CADPS2: variants seen among roughly 807,000 people sequenced by gnomAD.
CADPS2 encodes the protein calcium dependent secretion activator 2, also known as calcium-dependent secretion activator 2.
CADPS2 carries 93 observed loss-of-function variants against 172.5 expected under a neutral mutation model. The observed-to-expected ratio is 0.54, with a 90% CI of 0.46 to 0.64. The LOEUF is 0.64. Among genes scored for constraint, CADPS2 ranks in the 30% least tolerant of loss-of-function variants. The pLI is 0.00. For missense variants in CADPS2, 1,420 were observed against 1,565.9 expected (o/e 0.91, Z 1.57); for synonymous variants, 546 against 555.2 (o/e 0.98, Z 0.23).
chr7:122,782,998 A>C (rs2139440520), intron 1 of CADPS2, among the ~76,000 whole-genome samples: 1 of 152,126 alleles, frequency 6.6e-6, no homozygotes, highest in South Asian at 2.1e-4. Context: ...CTAATGACAA[A>C]ACAATAAACA....
intron 15 of CADPS2, among the ~76,000 whole-genome samples, chr7:122,449,194 G>C (rs1214496682): frequency 1.3e-5 from 2 of 152,106 alleles, no homozygotes; most frequent in Non-Finnish European, 2.9e-5. Context: ...TACTAATATA[G>C]ATATCTAAAA....
intron 24 of CADPS2, among the ~76,000 whole-genome samples, chr7:122,380,751 G>A (rs2042906116): frequency 6.6e-6 from 1 of 152,032 alleles, no homozygotes; most frequent in African/African-American, 2.4e-5. Flanking sequence ...ATGTGAATGT[G>A]GAATTTTCTG....
intron 7 of CADPS2, among the ~76,000 whole-genome samples, chr7:122,559,956 T>C (rs977920902): frequency 1.3e-5 from 2 of 151,356 alleles, no homozygotes; most frequent in African/African-American, 2.4e-5. Context: ...TTTTAGGTAG[T>C]AGGAAGGGGG....
intron 2 of CADPS2, among the ~76,000 whole-genome samples, chr7:122,665,107 T>C (rs922619529): frequency 6.6e-6 from 1 of 152,060 alleles, no homozygotes; most frequent in African/African-American, 2.4e-5. Flanking sequence ...GCCTCAACTT[T>C]TACCCTAAGA....
intron 2 of CADPS2, among the ~76,000 whole-genome samples, chr7:122,682,248 CTTG>C (rs1157632824): frequency 2.0e-5 from 3 of 152,156 alleles, no homozygotes; most frequent in Non-Finnish European, 2.9e-5. Context: ...GAAGAAAAAT[CTTG>C]TTGTTCATCA....
In CADPS2 at chr7:122,807,355, C is replaced by T. The variant is rs946935255; in HGVS notation, c.340-70287G>A. Among the ~76,000 whole-genome samples, 3 of 152,304 alleles carry T rather than the reference C, an allele frequency of 2.0e-5. No individual in the cohort carries two copies. The South Asian group carries it at 6.2e-4, about 32-fold the overall frequency. ...TCCACCAGGCTGGGCCCACCTGAAC[C>T]CATGAGAGGTGTTCCAGGCCTGCCA... On this transcript the variant is annotated intron_variant, in intron 1 of 29. Coordinates refer to ENST00000449022, the MANE Select transcript of CADPS2 (RefSeq NM_017954.11).
At chr7:122,877,325 G>A (rs1332958896) in intron 1 of CADPS2, among the ~76,000 whole-genome samples, 1 of 152,112 alleles carries the variant, frequency 6.6e-6, no homozygotes, top group Non-Finnish European at 1.5e-5. Flanking sequence ...CACTAGTAAA[G>A]CACCAAAAAC....
chr7:122,408,081 T>C (rs938730724), intron 19 of CADPS2, among the ~76,000 whole-genome samples: 2 of 152,074 alleles, frequency 1.3e-5, no homozygotes, highest in African/African-American at 4.8e-5. Flanking sequence ...TTTCTGTGAA[T>C]AGAAACATTA....
chr7:122,401,540 A>G (rs192680141), intron 20 of CADPS2, among the ~76,000 whole-genome samples: 1 of 152,354 alleles, frequency 6.6e-6, no homozygotes, highest in East Asian at 1.9e-4. Flanking sequence ...CTATGGAAAT[A>G]GTGTGCAAGG....
At chr7:122,550,716 T>G (rs1035198200) in intron 8 of CADPS2, among the ~76,000 whole-genome samples, 4 of 152,180 alleles carry the variant, frequency 2.6e-5, no homozygotes, top group African/African-American at 9.6e-5. Flanking sequence ...TAGGCTATGC[T>G]AAGGTATAGC....
chr7:122,730,032 G>A (rs1350786195), intron 2 of CADPS2, among the ~76,000 whole-genome samples: 3 of 151,278 alleles, frequency 2.0e-5, no homozygotes, highest in East Asian at 1.9e-4. Context: ...GAATATTGGA[G>A]GTAAGAAACT....
At chr7:122,660,492 C>G (rs1324028648) in intron 3 of CADPS2, among the ~76,000 whole-genome samples, 3 of 151,732 alleles carry the variant, frequency 2.0e-5, no homozygotes, top group African/African-American at 7.3e-5. Flanking sequence ...ACAAATGCAT[C>G]AAGTGGTAAA....
chr7:122,701,890 G>A (rs763225143), intron 2 of CADPS2: 4 of 1,613,460 alleles, frequency 2.5e-6, no homozygotes, highest in Non-Finnish European at 2.5e-6. Context: ...CTAAAAGCCA[G>A]GGGTCAATGC....
chr7:122,589,477 T>A (rs1177904088), intron 6 of CADPS2, among the ~76,000 whole-genome samples: 1 of 151,874 alleles, frequency 6.6e-6, no homozygotes, highest in African/African-American at 2.4e-5. Flanking sequence ...AAACAATACT[T>A]ACGGAAGAGC....
At chr7:122,386,209 T>A (rs73216113) in intron 24 of CADPS2, 251,960 of 947,194 alleles carry the variant, frequency 0.27, 35,802 homozygotes, top group East Asian at 0.35. Flanking sequence ...ATAATTTTAA[T>A]TTGAAAAGAT....
chr7:122,632,616 T>G (rs1326608310), intron 3 of CADPS2, among the ~76,000 whole-genome samples: 1 of 152,206 alleles, frequency 6.6e-6, no homozygotes, highest in East Asian at 1.9e-4. Flanking sequence ...GATGCATAGT[T>G]TGCAAATATT....
chr7:122,724,136 C>G (rs1588763075), intron 2 of CADPS2, among the ~76,000 whole-genome samples: 1 of 151,714 alleles, frequency 6.6e-6, no homozygotes, highest in Admixed American at 6.6e-5. Context: ...ATGTAACAAA[C>G]CTGCACGTTT....
At chr7:122,530,310 G>A (rs981206334) in intron 8 of CADPS2, among the ~76,000 whole-genome samples, 3 of 146,090 alleles carry the variant, frequency 2.1e-5, no homozygotes, top group Non-Finnish European at 4.5e-5. Flanking sequence ...TTAGGCTTAA[G>A]TTAGCTTTTT....
intron 20 of CADPS2, among the ~76,000 whole-genome samples, chr7:122,407,232 C>T (rs2046759086): frequency 6.6e-6 from 1 of 152,100 alleles, no homozygotes; most frequent in African/African-American, 2.4e-5. Flanking sequence ...TTTAGAAATG[C>T]CAGCCTTTGA....
Sources: allele counts gnomAD v4.1 joint callset (sites outside exome capture counted in the v4.1 genomes callset), GRCh38; gene constraint gnomAD v4.1.1; transcripts MANE v1.5; gene names NCBI Gene and HGNC (gene_info 2026-07-23, HGNC 2026-07-21).